The following PDE4B variants were observed in gnomAD, a reference collection of about 807,000 sequenced individuals.
PDE4B encodes the protein phosphodiesterase 4B.
PDE4B carries 20 observed loss-of-function variants against 82.2 expected under a neutral mutation model. That is an observed-to-expected ratio of 0.24 (90% CI 0.17 to 0.35). The LOEUF is 0.35. Ranked by LOEUF, PDE4B falls within the 10% of genes least tolerant of loss-of-function variation. PDE4B has a pLI of 1.00. For missense variants in PDE4B, 655 were observed against 907.2 expected (o/e 0.72, Z 3.57); for synonymous variants, 320 against 318.9 (o/e 1.00, Z -0.04).
chr1:66,319,442 C>G (rs1659249811), intron 7 of PDE4B, among the ~76,000 whole-genome samples: 1 of 152,196 alleles, frequency 6.6e-6, no homozygotes, highest in South Asian at 2.1e-4. Context: ...AAGCTCCTAT[C>G]TTTTTCTACA....
At chr1:65,967,687 C>G (rs898751527) in intron 3 of PDE4B, among the ~76,000 whole-genome samples, 3 of 152,004 alleles carry the variant, frequency 2.0e-5, no homozygotes, top group Non-Finnish European at 4.4e-5. Context: ...TACTACGCAG[C>G]CATAAAAAAG....
chr1:66,040,370 G>A (rs1210840387), intron 3 of PDE4B, among the ~76,000 whole-genome samples: 1 of 152,032 alleles, frequency 6.6e-6, no homozygotes, highest in Middle Eastern at 3.2e-3. Flanking sequence ...TCACCAGGAA[G>A]AAGGGGGCTG....
chr1:65,872,678 A>G (rs1157096917), intron 1 of PDE4B, among the ~76,000 whole-genome samples: 1 of 152,222 alleles, frequency 6.6e-6, no homozygotes, highest in East Asian at 1.9e-4. Flanking sequence ...GTCCTCAGTC[A>G]GCATGCTTCA....
chr1:66,157,288 C>T (rs919913269), intron 3 of PDE4B, among the ~76,000 whole-genome samples: 1 of 152,176 alleles, frequency 6.6e-6, no homozygotes, highest in African/African-American at 2.4e-5. Flanking sequence ...TAGAGAAAGC[C>T]ACCTTTATTG....
At chr1:66,365,905 C>A (rs574190027) in intron 13 of PDE4B, 139 bp downstream of exon 13, 2 of 516,066 alleles carry the variant, frequency 3.9e-6, no homozygotes, top group East Asian at 2.9e-5. Context: ...ACTGGTCAGG[C>A]CTTTCGTGGA....
At chr1:65,899,074 A>G (rs1646942621) in intron 1 of PDE4B, among the ~76,000 whole-genome samples, 1 of 152,124 alleles carries the variant, frequency 6.6e-6, no homozygotes, top group African/African-American at 2.4e-5. Context: ...CATCTGTCAG[A>G]AGAATAATAT....
At chr1:65,797,320 T>C (rs993856304) in intron 1 of PDE4B, among the ~76,000 whole-genome samples, 8 of 152,302 alleles carry the variant, frequency 5.3e-5, no homozygotes, top group Admixed American at 4.6e-4. Context: ...CACTTAATTG[T>C]TGGTGTCACT....
chr1:66,113,397 G>A (rs2101057228), intron 3 of PDE4B, among the ~76,000 whole-genome samples: 1 of 152,310 alleles, frequency 6.6e-6, no homozygotes, highest in East Asian at 1.9e-4. Context: ...AGACAAGTGA[G>A]TACAAAATTG....
chr1:65,969,865 A>G (rs1168645496), intron 3 of PDE4B, among the ~76,000 whole-genome samples: 1 of 152,034 alleles, frequency 6.6e-6, no homozygotes, highest in African/African-American at 2.4e-5. Context: ...TATTATTTTG[A>G]GAGTGCTCTA....
chr1:66,092,121 T>A (rs1645037543), intron 3 of PDE4B, among the ~76,000 whole-genome samples: 1 of 152,020 alleles, frequency 6.6e-6, no homozygotes, highest in East Asian at 1.9e-4. Context: ...GAAATCAGAA[T>A]TTAATATGAG....
At chr1:65,795,689 A>G (rs868733704) in intron 1 of PDE4B, among the ~76,000 whole-genome samples, 6 of 152,136 alleles carry the variant, frequency 3.9e-5, no homozygotes, top group African/African-American at 1.4e-4. Context: ...TTGCAGCACA[A>G]CTCTGGAAAA....
At position 66,220,372 on chromosome 1, in the gene PDE4B, C is replaced by T. The variant is rs1570495902; in HGVS notation, c.282-27088C>T. ...ACATTTTGTAGTTTCTAAATTGTCT[C>T]TTCATAAGTTCCAAGGGATAAAGTG... On this transcript the variant is annotated intron_variant, in intron 3 of 16. Coordinates refer to ENST00000341517, the MANE Select transcript of PDE4B (RefSeq NM_002600.4). Among the ~76,000 whole-genome samples, 4 of 152,244 alleles carry T rather than the reference C, an allele frequency of 2.6e-5. No individual in the cohort carries two copies. In the South Asian group the frequency reaches 8.3e-4, roughly 32 times the overall value.
chr1:65,915,753 T>C (rs1273093640), intron 2 of PDE4B, among the ~76,000 whole-genome samples: 2 of 152,164 alleles, frequency 1.3e-5, no homozygotes, highest in Non-Finnish European at 2.9e-5. Context: ...ACCTTTTCCT[T>C]TGTGACAAGC....
At chr1:65,888,049 T>A (rs573207441) in intron 1 of PDE4B, among the ~76,000 whole-genome samples, 1 of 152,142 alleles carries the variant, frequency 6.6e-6, no homozygotes, top group Admixed American at 6.6e-5. Flanking sequence ...GTGTTTCTCC[T>A]TTGTTTTCTT....
At chr1:66,343,146 T>C (rs1661136399) in intron 8 of PDE4B, among the ~76,000 whole-genome samples, 1 of 152,176 alleles carries the variant, frequency 6.6e-6, no homozygotes, top group Admixed American at 6.5e-5. Flanking sequence ...GAATCATTTG[T>C]GTATAAAAAG....
At chr1:66,217,199 T>C (rs1011289689) in intron 3 of PDE4B, among the ~76,000 whole-genome samples, 2 of 152,060 alleles carry the variant, frequency 1.3e-5, no homozygotes, top group African/African-American at 4.8e-5. Context: ...CTATTATACT[T>C]AGTCATTGTG....
intron 8 of PDE4B, among the ~76,000 whole-genome samples, chr1:66,333,267 T>C (rs1006342954): frequency 1.2e-4 from 18 of 152,210 alleles, no homozygotes; most frequent in Non-Finnish European, 2.1e-4. Context: ...CAAAATGGTT[T>C]TATTTACAAT....
chr1:65,868,162 C>G (rs12023622), intron 1 of PDE4B, among the ~76,000 whole-genome samples: 11,719 of 152,222 alleles, frequency 0.077, 848 homozygotes, highest in East Asian at 0.38. Context: ...AGATGGCTCC[C>G]TATGCTCTCT....
At chr1:65,850,052 T>C (rs1293383328) in intron 1 of PDE4B, among the ~76,000 whole-genome samples, 1 of 151,290 alleles carries the variant, frequency 6.6e-6, no homozygotes, top group Non-Finnish European at 1.5e-5. Flanking sequence ...CCACCAGCAA[T>C]ACATGAGTGT....
Sources: gnomAD v4.1 joint callset for allele counts (sites outside exome capture counted in the v4.1 genomes callset) on GRCh38, gnomAD v4.1.1 for gene constraint, MANE v1.5 for transcripts, NCBI Gene and HGNC (gene_info 2026-07-23, HGNC 2026-07-21) for gene names.